LPAR4: variants seen among roughly 807,000 people sequenced by gnomAD.
The protein encoded by LPAR4 is lysophosphatidic acid receptor 4.
LPAR4 carries 14 observed loss-of-function variants against 9.2 expected under a neutral mutation model. The ratio of observed to expected loss-of-function variants is 1.51; its 90% confidence interval spans 1.00 to 2.37. The LOEUF (loss-of-function observed/expected upper bound fraction) is 2.37. Ranked by LOEUF, LPAR4 falls within the 30% of genes most tolerant of loss-of-function variation. LPAR4 has a pLI of 0.00. For missense variants in LPAR4, 251 were observed against 272.1 expected (o/e 0.92, Z 0.55); for synonymous variants, 131 against 97.9 (o/e 1.34, Z -1.99).
At chrX:78,754,751 A>G (rs1355918934) in intron 4 of LPAR4, 40 bp from the exon 5 acceptor site, 2 of 562,944 alleles carry the variant, frequency 3.6e-6, no homozygotes, top group African/African-American at 2.3e-5. Flanking sequence ...TCATGGATGG[A>G]AGGCAAATTT....
In LPAR4 at chrX:78,757,423, T is replaced by C. The variant is rs1053676946; in HGVS notation, c.*1441T>C. Among the ~76,000 whole-genome samples, 2 of 111,785 alleles carry C rather than the reference T, an allele frequency of 1.8e-5. No homozygotes were observed. Among genetic ancestry groups the C allele is most frequent in the African/African-American group, 3.2e-5 (1 of 30,878 alleles). ...ACAAAACACTATAACATTCATATAA[T>C]GCTTTGGATCAAATTGCAACTAAGA... On this transcript the variant is annotated 3_prime_UTR_variant, in exon 5 of 5. Coordinates refer to ENST00000614823, the MANE Select transcript of LPAR4 (RefSeq NM_001278000.3).
At chrX:78,754,657 T>C in intron 4 of LPAR4, 134 bp from the exon 5 acceptor site, 1 of 389,120 alleles carries the variant, frequency 2.6e-6, no homozygotes, top group Non-Finnish European at 4.4e-6. Context: ...ATATAATAGA[T>C]GTTCAAAAAA....
intron 4 of LPAR4, among the ~76,000 whole-genome samples, chrX:78,754,272 A>G (rs1440774098): frequency 8.9e-6 from 1 of 112,060 alleles, no homozygotes; most frequent in South Asian, 3.7e-4. Context: ...AAATGTATCA[A>G]CTTGAGACTC....
In LPAR4 at chrX:78,757,023, T is replaced by C. The variant is rs1029427803; in HGVS notation, c.*1041T>C. On this transcript the variant is annotated 3_prime_UTR_variant, in exon 5 of 5. Transcript: ENST00000614823. ...AATACTTATTCTTTCTTATCGAATT[T>C]TGGAGCCTAATATAGCCAGGAGCTG... The C allele has an allele frequency of 8.3e-6, 1 of 121,145 alleles. No individual in the cohort carries two copies. The highest frequency in any genetic ancestry group is 3.3e-5 in the African/African-American group (1 of 30,308). The allele number at this position is 121,145 out of a possible 1,213,427, so 10.0% of individuals were successfully genotyped here.
At chrX:78,754,651 A>G (rs1389738321) in intron 4 of LPAR4, 140 bp from the exon 5 acceptor site, 10 of 384,894 alleles carry the variant, frequency 2.6e-5, no homozygotes, top group Non-Finnish European at 3.6e-5. Context: ...TTAAATATAT[A>G]ATAGATGTTC....
In LPAR4 at chrX:78,756,031, C is replaced by T; in HGVS notation, c.*49C>T. ...AGATATGGTTTCTCCTATAATTTTT[C>T]CTATGCTATAAACTAAAGATTTGAA... On this transcript the variant is annotated 3_prime_UTR_variant, in exon 5 of 5. Coordinates refer to ENST00000614823, the MANE Select transcript of LPAR4 (RefSeq NM_001278000.3). 1 of 1,019,737 alleles carries T rather than the reference C, an allele frequency of 9.8e-7. No homozygotes were observed. The highest frequency in any genetic ancestry group is 1.3e-6 in the Non-Finnish European group (1 of 744,927). 84.0% of individuals were successfully genotyped at this position (1,019,737 alleles called of 1,213,427 possible). A position where few individuals can be genotyped will look rare whatever the true frequency, so the allele number is the denominator to read the frequency against.
chrX:78,751,232 A>G lies in LPAR4; in HGVS notation c.-159A>G, dbSNP rs752249055. The G allele has an allele frequency of 9.0e-6, 1 of 111,271 alleles. No individual in the cohort carries two copies. The highest frequency in any genetic ancestry group is 1.9e-5 in the Non-Finnish European group (1 of 52,919). The allele number at this position is 111,271 out of a possible 1,213,427, so 9.2% of individuals were successfully genotyped here. On this transcript the variant is annotated 5_prime_UTR_variant, in exon 4 of 5. An upstream open reading frame in the 5' UTR loses its in-frame stop. Coordinates refer to ENST00000614823, the MANE Select transcript of LPAR4 (RefSeq NM_001278000.3). ...CAGCACCCATTGGAGGAAATCTCTAACTACAGTGCCTCCAGGAAACTCATT... is the reference window on the plus strand; with the variant it reads ...CAGCACCCATTGGAGGAAATCTCTAGCTACAGTGCCTCCAGGAAACTCATT...
chrX:78,751,988 AT>A (rs904049077), intron 4 of LPAR4, among the ~76,000 whole-genome samples: 3 of 109,662 alleles, frequency 2.7e-5, no homozygotes, highest in East Asian at 2.9e-4. Flanking sequence ...AGACTGAAGT[AT>A]TTTTTTTCTT....
In LPAR4 at chrX:78,748,047, T is replaced by A. The variant is rs1266292908; in HGVS notation, c.-295+13T>A. The A allele has an allele frequency of 9.0e-6, 1 of 110,874 alleles. No homozygotes were observed. The highest frequency in any genetic ancestry group is 3.3e-5 in the African/African-American group (1 of 30,503). The allele number at this position is 110,874 out of a possible 1,213,427, so 9.1% of individuals were successfully genotyped here. On this transcript the variant is annotated intron_variant, in intron 1 of 4. Coordinates refer to ENST00000614823, the MANE Select transcript of LPAR4 (RefSeq NM_001278000.3). ...ACTCTTTCTTGGGGTAAGTTTCTCT[T>A]TTAAAAAGATTTGATTTTGGCGTTT...
rs993921375 is a variant in LPAR4 at position 78,751,309 on chromosome X, G to A, written c.-82G>A. ...GTGCCAGGATTTGGTTCGAACTAAT[G>A]TGGTGAGTCCTACCCTCCTGAAAAT... On this transcript the variant is annotated splice_region_variant and 5_prime_UTR_variant, in exon 4 of 5. It adds an upstream start codon to the 5' untranslated region. Transcript: ENST00000614823. The A allele has an allele frequency of 6.3e-5, 7 of 111,169 alleles. No individual in the cohort carries two copies. Among genetic ancestry groups the A allele is most frequent in the Non-Finnish European group, 1.1e-4 (6 of 52,899 alleles). The allele number at this position is 111,169 out of a possible 1,213,427, so 9.2% of individuals were successfully genotyped here. A position where few individuals can be genotyped will look rare whatever the true frequency, so the allele number is the denominator to read the frequency against.
rs1925054018 is a variant in LPAR4 at position 78,751,327 on chromosome X, C to T, written c.-80+16C>T. On this transcript the variant is annotated intron_variant, in intron 4 of 4. Coordinates refer to ENST00000614823, the MANE Select transcript of LPAR4 (RefSeq NM_001278000.3). Reference sequence around the variant, plus strand: ...AACTAATGTGGTGAGTCCTACCCTCCTGAAAATTACTGAAATAATAATAAT... The same window carrying T: ...AACTAATGTGGTGAGTCCTACCCTCTTGAAAATTACTGAAATAATAATAAT... 1 of 110,725 alleles carries T rather than the reference C, an allele frequency of 9.0e-6. No homozygotes were observed. The highest frequency in any genetic ancestry group is 3.3e-5 in the African/African-American group (1 of 30,486). The allele number at this position is 110,725 out of a possible 1,213,427, so 9.1% of individuals were successfully genotyped here.
At chrX:78,751,759 G>A (rs1925072782) in intron 4 of LPAR4, among the ~76,000 whole-genome samples, 1 of 110,963 alleles carries the variant, frequency 9.0e-6, no homozygotes, top group African/African-American at 3.3e-5. Context: ...CCAAAGATCT[G>A]GGGCTTCTGC....
chrX:78,748,753 G>T (rs1323338070), intron 1 of LPAR4, among the ~76,000 whole-genome samples: 1 of 111,654 alleles, frequency 9.0e-6, no homozygotes, highest in Non-Finnish European at 1.9e-5. Flanking sequence ...AAATTCAAAG[G>T]TTAGAATATT....
chrX:78,750,337 A>C (rs2147497836), intron 2 of LPAR4, 114 bp downstream of exon 2: 1 of 111,508 alleles, frequency 9.0e-6, no homozygotes, highest in Non-Finnish European at 1.9e-5. Flanking sequence ...GCTTTGTTTT[A>C]GGCTACCTCT....
intron 2 of LPAR4, 21 bp from the exon 3 acceptor site, chrX:78,750,709 C>G (rs1328068817): frequency 1.8e-5 from 2 of 109,480 alleles, no homozygotes; most frequent in Admixed American, 9.7e-5. Flanking sequence ...CATCTTTCCT[C>G]TTCCCTCTTC....
intron 1 of LPAR4, chrX:78,749,020 C>T (rs1290594735): frequency 1.8e-5 from 2 of 111,654 alleles, no homozygotes; most frequent in Non-Finnish European, 3.8e-5. Context: ...TTGATGGCAT[C>T]TACATTCTAA....
Position 78,755,692 on chromosome X carries a change from G to A in LPAR4, c.823G>A (p.Val275Met), listed in dbSNP as rs2147505968. ...YNSVLFLYAL[V>M]RSQAITNCFL... The stretch of plus-strand genomic sequence containing the variant: ...CTCTGTCCTCTTCTTGTATGCCCTG[G>A]TGCGCTCCCAAGCTATTACTAATTG... Residue 275 changes from valine (V) to methionine (M), a missense_variant, in exon 5 of 5, where the codon GTG (valine) becomes ATG (methionine). Val to Met is a conservative substitution (Grantham distance 21). Coordinates refer to ENST00000614823, the MANE Select transcript of LPAR4 (RefSeq NM_001278000.3). 8.3e-7 allele frequency: 1 copy of A among 1,210,151 alleles called. No homozygotes were observed.
In LPAR4 at chrX:78,754,786, C is replaced by G. The variant is rs1427382835; in HGVS notation, c.-79-5C>G. On this transcript the variant is annotated splice_polypyrimidine_tract_variant and splice_region_variant and intron_variant, in intron 4 of 4. Coordinates refer to ENST00000614823, the MANE Select transcript of LPAR4 (RefSeq NM_001278000.3). ...TGATTATTTGTTCCATCTTGTCTCT[C>G]ATAGGAGGAAAATATTTCCTACCGG... The G allele has an allele frequency of 3.6e-6, 3 of 832,494 alleles. No homozygotes were observed. Among genetic ancestry groups the G allele is most frequent in the Non-Finnish European group, 5.0e-6 (3 of 596,562 alleles). 68.6% of individuals were successfully genotyped at this position (832,494 alleles called of 1,213,427 possible).
intron 4 of LPAR4, among the ~76,000 whole-genome samples, chrX:78,754,201 T>TA (rs2147503373): frequency 9.0e-6 from 1 of 111,233 alleles, no homozygotes; most frequent in Non-Finnish European, 1.9e-5. Context: ...ATAATGCAAA[T>TA]AAAAAATAAA....
Sources: allele counts gnomAD v4.1 joint callset (sites outside exome capture counted in the v4.1 genomes callset), GRCh38; gene constraint gnomAD v4.1.1; transcripts MANE v1.5; gene names NCBI Gene and HGNC (gene_info 2026-07-23, HGNC 2026-07-21).